OTULIN: variants seen among roughly 807,000 people sequenced by gnomAD.
The protein encoded by OTULIN is ubiquitin thioesterase otulin.
Under a neutral mutation model 39.6 loss-of-function variants are expected in OTULIN, and 15 were observed. The observed-to-expected ratio is 0.38, with a 90% CI of 0.25 to 0.58. OTULIN has a LOEUF of 0.58. Ranked by LOEUF, OTULIN falls within the 20% of genes least tolerant of loss-of-function variation. The pLI is 0.66. For synonymous variants in OTULIN, 156 were observed against 170.3 expected (o/e 0.92, Z 0.65); for missense variants, 319 against 445.9 (o/e 0.72, Z 2.56).
chr5:14,714,872 C>G, the OTULIN span, among the ~76,000 whole-genome samples: 10 of 152,230 alleles, frequency 6.6e-5, no homozygotes, highest in Non-Finnish European at 1.3e-4. Context: ...AGCTGGGGCA[C>G]TCCAGGCCCC....
At chr5:14,716,228 G>A in the OTULIN span, among the ~76,000 whole-genome samples, 2 of 152,294 alleles carry the variant, frequency 1.3e-5, no homozygotes, top group Admixed American at 6.5e-5. Flanking sequence ...TACGCCAGGT[G>A]CAGTGGCTCA....
chr5:14,670,966 T>C (rs1735965668), intron 1 of OTULIN, among the ~76,000 whole-genome samples: 1 of 152,236 alleles, frequency 6.6e-6, no homozygotes, highest in African/African-American at 2.4e-5. Flanking sequence ...CAGTTGTGGT[T>C]AAAGCAATTT....
chr5:14,714,983 T>C, the OTULIN span, among the ~76,000 whole-genome samples: 2 of 152,260 alleles, frequency 1.3e-5, no homozygotes, highest in Non-Finnish European at 2.9e-5. Context: ...TCGCCCTGTG[T>C]CTACCCAACA....
At chr5:14,710,955 A>T in the OTULIN span, 2 of 492,788 alleles carry the variant, frequency 4.1e-6, no homozygotes, top group Middle Eastern at 5.7e-4. Flanking sequence ...AGGCAGGGGT[A>T]TGAAGTCAGT....
At chr5:14,713,921 C>G in the OTULIN span, among the ~76,000 whole-genome samples, 2 of 152,266 alleles carry the variant, frequency 1.3e-5, no homozygotes, top group African/African-American at 4.8e-5. The surrounding 1 kb of genome is among the most constrained non-coding windows in gnomAD (Gnocchi z 4.4). Flanking sequence ...CCTTTCTCCA[C>G]TGGGACAGCA....
downstream of OTULIN, among the ~76,000 whole-genome samples, chr5:14,703,350 A>C (rs971869186): frequency 1.6e-5 from 2 of 121,772 alleles, no homozygotes; most frequent in East Asian, 4.4e-4. Flanking sequence ...AAAAAAAAAA[A>C]AAAAAAAAAA....
Position 14,698,777 on chromosome 5 carries a change from G to A in OTULIN, c.*5729G>A, listed in dbSNP as rs1736737467. On this transcript the variant is annotated 3_prime_UTR_variant, in exon 7 of 7. Coordinates refer to ENST00000284274, the MANE Select transcript of OTULIN (RefSeq NM_138348.6). ...AGCAGAGGAATCAAGGGTTTAGGGA[G>A]GCAGTATTGGGCAGTGTGGAAGAGT... 1 of 152,208 alleles carries A rather than the reference G, an allele frequency of 6.6e-6. No homozygotes were observed. The highest frequency in any genetic ancestry group is 1.5e-5 in the Non-Finnish European group (1 of 68,078). 9.4% of individuals were successfully genotyped at this position (152,208 alleles called of 1,614,324 possible). A position where few individuals can be genotyped will look rare whatever the true frequency, so the allele number is the denominator to read the frequency against.
chr5:14,700,174 A>C (rs1736768363), downstream of OTULIN, among the ~76,000 whole-genome samples: 1 of 152,150 alleles, frequency 6.6e-6, no homozygotes, highest in Non-Finnish European at 1.5e-5. Context: ...TGAGTTTTCT[A>C]TCTGAATTTC....
intron 2 of OTULIN, among the ~76,000 whole-genome samples, chr5:14,674,821 T>C (rs1205535133): frequency 1.3e-5 from 2 of 152,226 alleles, no homozygotes; most frequent in Non-Finnish European, 2.9e-5. Flanking sequence ...TTCAAGCCAC[T>C]TTTAAATGAT....
chr5:14,692,315 C>T (rs1362941162), intron 6 of OTULIN, among the ~76,000 whole-genome samples: 2 of 152,214 alleles, frequency 1.3e-5, no homozygotes, highest in Non-Finnish European at 2.9e-5. Flanking sequence ...ATTTAGTACA[C>T]TGCTGGTGAC....
intron 1 of OTULIN, among the ~76,000 whole-genome samples, chr5:14,665,701 C>T (rs1257996645): frequency 6.6e-6 from 1 of 152,058 alleles, no homozygotes; most frequent in African/African-American, 2.4e-5. Flanking sequence ...CACAGACAGC[C>T]AGTTTGACAG....
rs545030668 is a variant in OTULIN at position 14,694,892 on chromosome 5, T to C, written c.*1844T>C. 246 of 152,772 alleles carry C rather than the reference T, an allele frequency of 1.6e-3. 2 individuals are homozygous for C. The highest frequency in any genetic ancestry group is 5.6e-3 in the African/African-American group (234 of 41,588). 9.5% of individuals were successfully genotyped at this position (152,772 alleles called of 1,614,324 possible). A position where few individuals can be genotyped will look rare whatever the true frequency, so the allele number is the denominator to read the frequency against. On this transcript the variant is annotated 3_prime_UTR_variant, in exon 7 of 7. Coordinates refer to ENST00000284274, the MANE Select transcript of OTULIN (RefSeq NM_138348.6). Reference sequence around the variant, plus strand: ...GTATATGGGATTGTACAGCAGGAAATGCTTATCATTAATTTCTGATGTTTT... The same window carrying C: ...GTATATGGGATTGTACAGCAGGAAACGCTTATCATTAATTTCTGATGTTTT...
chr5:14,692,197 A>T (rs768807789), intron 6 of OTULIN, among the ~76,000 whole-genome samples: 1 of 152,252 alleles, frequency 6.6e-6, no homozygotes, highest in Admixed American at 6.5e-5. Flanking sequence ...CCAGCAATGT[A>T]TCAGTGTCCT....
At chr5:14,709,786 A>G in the OTULIN span, 1 of 152,682 alleles carries the variant, frequency 6.5e-6, no homozygotes, top group African/African-American at 2.4e-5. Context: ...TTTCAACTGC[A>G]GGTATGTTGA....
intron 4 of OTULIN, among the ~76,000 whole-genome samples, chr5:14,682,328 G>T (rs982788888): frequency 2.0e-5 from 3 of 151,988 alleles, no homozygotes; most frequent in African/African-American, 4.8e-5. Context: ...AAGTTGAATT[G>T]CAAAAAAAGA....
intron 5 of OTULIN, chr5:14,688,085 A>G (rs1411175031): frequency 6.6e-6 from 1 of 152,418 alleles, no homozygotes; most frequent in Non-Finnish European, 1.5e-5. Flanking sequence ...TAGTAGATTT[A>G]GTAACTTGTC....
In OTULIN at chr5:14,694,281, A is replaced by T. The variant is rs563477201; in HGVS notation, c.*1233A>T. The T allele has an allele frequency of 6.6e-6, 1 of 152,286 alleles. No individual in the cohort carries two copies. The highest frequency in any genetic ancestry group is 2.4e-5 in the African/African-American group (1 of 41,460). 9.4% of individuals were successfully genotyped at this position (152,286 alleles called of 1,614,324 possible). ...CTGGCTATGAGCCATCGCCTGCCCA[A>T]TCAGGCTAAGGGTGGTGACTGGGGT... is the stretch of plus-strand genomic sequence containing the variant. On this transcript the variant is annotated 3_prime_UTR_variant, in exon 7 of 7. Coordinates refer to ENST00000284274, the MANE Select transcript of OTULIN (RefSeq NM_138348.6).
chr5:14,695,287 A>G lies in OTULIN; in HGVS notation c.*2239A>G, dbSNP rs1329205448. 3 of 152,218 alleles carry G rather than the reference A, an allele frequency of 2.0e-5. No homozygotes were observed. The highest frequency in any genetic ancestry group is 4.4e-5 in the Non-Finnish European group (3 of 68,026). The allele number at this position is 152,218 out of a possible 1,614,324, so 9.4% of individuals were successfully genotyped here. A position where few individuals can be genotyped will look rare whatever the true frequency, so the allele number is the denominator to read the frequency against. ...AAAATAATTTTTTTTTAATTGCAAT[A>G]TGCAGCTTCAGTTGCCCAGAATCTT... On this transcript the variant is annotated 3_prime_UTR_variant, in exon 7 of 7. Transcript: ENST00000284274.
At chr5:14,707,554 G>C in the OTULIN span, 4 of 152,180 alleles carry the variant, frequency 2.6e-5, no homozygotes, top group Non-Finnish European at 4.4e-5. Flanking sequence ...GCACTCCTGA[G>C]CTGGCCCCGC....
Sources: gnomAD v4.1 joint callset for allele counts (sites outside exome capture counted in the v4.1 genomes callset) on GRCh38, gnomAD v4.1.1 for gene constraint, Gnocchi (gnomAD v3.1) non-coding constraint, MANE v1.5 for transcripts, NCBI Gene and HGNC (gene_info 2026-07-23, HGNC 2026-07-21) for gene names.